Variants in PTPN6 observed in about 807,000 individuals in gnomAD.
PTPN6 encodes the protein protein tyrosine phosphatase non-receptor type 6, also known as tyrosine-protein phosphatase non-receptor type 6.
Under a neutral mutation model 81.5 loss-of-function variants are expected in PTPN6, and 18 were observed. The observed-to-expected ratio is 0.22, with a 90% CI of 0.15 to 0.33. The LOEUF (loss-of-function observed/expected upper bound fraction) is 0.33, where lower values mean the gene tolerates loss of function less well. Ranked by LOEUF, PTPN6 falls within the 10% of genes least tolerant of loss-of-function variation. The pLI is 1.00. For missense variants in PTPN6, 500 were observed against 794.2 expected (o/e 0.63, Z 4.45); for synonymous variants, 301 against 310.9 (o/e 0.97, Z 0.33).
chr12:6,956,533 A>G lies in PTPN6; in HGVS notation c.1039A>G (p.Ile347Val). ...QMAWQENSRV[I>V]VMTTREVEKG... ...GGCGTGGCAGGAGAACAGCCGTGTC[A>G]TCGTCATGACCACCCGAGAGGTGGA... The change falls in exon 9 of 16, where the codon ATC becomes GTC. Residue 347 changes from isoleucine (I) to valine (V), a missense_variant. By Grantham distance (29) the Ile-to-Val change is conservative. This residue lies in a region of PTPN6 where 226 missense variants were observed against 364.4 expected (regional missense o/e 0.62). Coordinates refer to ENST00000318974, the MANE Select transcript of PTPN6 (RefSeq NM_002831.6). The surrounding 1 kb of genome is among the most constrained non-coding windows in gnomAD (Gnocchi z 4.1). 6.2e-7 allele frequency: 1 copy of G among 1,613,938 alleles called. No homozygotes were observed. The highest frequency in any genetic ancestry group is 1.1e-5 in the South Asian group (1 of 91,078).
chr12:6,946,607 G>A (rs1945821239), upstream of PTPN6: 4 of 799,510 alleles, frequency 5.0e-6, no homozygotes, highest in Non-Finnish European at 6.5e-6. Context: ...CGAGGAGGAA[G>A]TGGCTGATTA....
At chr12:6,946,847 CT>C, upstream of PTPN6, 5 of 1,248,238 alleles carry the variant, frequency 4.0e-6, no homozygotes, top group Non-Finnish European at 5.7e-6. Context: ...CGATCTGCCG[CT>C]GCCCTGCGCC....
upstream of PTPN6, among the ~76,000 whole-genome samples, chr12:6,949,577 C>G (rs1664292690): frequency 6.6e-6 from 1 of 152,102 alleles, no homozygotes; most frequent in African/African-American, 2.4e-5. Flanking sequence ...TGAATAACAC[C>G]TACTAAGTAG....
chr12:6,949,834 G>T, upstream of PTPN6, among the ~76,000 whole-genome samples: 1 of 146,788 alleles, frequency 6.8e-6, no homozygotes, highest in African/African-American at 2.5e-5. Context: ...TTTTTTTTGA[G>T]ACGGAGTTTC....
At position 6,954,219 on chromosome 12, in the gene PTPN6, A is replaced by T. The variant is rs1945979428; in HGVS notation, c.327-586A>T. On this transcript the variant is annotated intron_variant, in intron 3 of 15. Coordinates refer to ENST00000318974, the MANE Select transcript of PTPN6 (RefSeq NM_002831.6). This position sits in a 1 kb window ranked among gnomAD's most constrained non-coding sequence, Gnocchi z 5.4. ...GTTGTCTTCCCCGCCTCCCTGGCGGAGCGCACCCCATCCGCCTTCCTTGTG... is the reference window on the plus strand; with the variant it reads ...GTTGTCTTCCCCGCCTCCCTGGCGGTGCGCACCCCATCCGCCTTCCTTGTG... Among the ~76,000 whole-genome samples the T allele has an allele frequency of 6.6e-6, 1 of 152,050 alleles. No individual in the cohort carries two copies. Among genetic ancestry groups the T allele is most frequent in the Admixed American group, 6.6e-5 (1 of 15,262 alleles).
Position 6,955,332 on chromosome 12 carries a change from G to T in PTPN6, c.634-40G>T, listed in dbSNP as rs1054694626. 1.2e-6 allele frequency: 2 copies of T among 1,611,560 alleles called. No homozygotes were observed. Among genetic ancestry groups the T allele is most frequent in the African/African-American group, 2.7e-5 (2 of 74,792 alleles). ...CTGTCCCCCAGATGTGAGCTTCTGG[G>T]ATCTCTGAGTTGCTGACTTCTCGCT... On this transcript the variant is annotated intron_variant, in intron 5 of 15. Transcript: ENST00000318974. The surrounding 1 kb of genome is among the most constrained non-coding windows in gnomAD (Gnocchi z 7.2).
intron 3 of PTPN6, among the ~76,000 whole-genome samples, chr12:6,953,787 G>A (rs1329271069): frequency 6.6e-6 from 1 of 152,090 alleles, no homozygotes; most frequent in Non-Finnish European, 1.5e-5. Flanking sequence ...GTGGGCTGAA[G>A]TAGCCCAGTG....
In PTPN6 at chr12:6,956,037, G is replaced by T; in HGVS notation, c.845-105G>T. 1 of 1,183,794 alleles carries T rather than the reference G, an allele frequency of 8.4e-7. No individual in the cohort carries two copies. The highest frequency in any genetic ancestry group is 1.5e-5 in the African/African-American group (1 of 66,518). The allele number at this position is 1,183,794 out of a possible 1,614,324, so 73.3% of individuals were successfully genotyped here. ...GCCCACAGTCCCCCGCAAGCCTCAT[G>T]GCTTCTGAGACCAGAATGGCCTGTT... On this transcript the variant is annotated intron_variant, in intron 7 of 15. Transcript: ENST00000318974. The surrounding 1 kb of genome is among the most constrained non-coding windows in gnomAD (Gnocchi z 4.1).
upstream of PTPN6, among the ~76,000 whole-genome samples, chr12:6,948,489 AAGAG>A (rs1395103640): frequency 2.0e-5 from 3 of 151,606 alleles, no homozygotes; most frequent in East Asian, 3.9e-4. Context: ...AAGAAAGAAA[AAGAG>A]AAAGAAGGAA....
rs782210736 is a variant in PTPN6, at chr12:6,952,537, C to T, written c.326+360C>T. ...TAGAAAGCTCTTCTTCCTCTGGAATCGAGCCTGCCTTCCTCCGTCTGCCCC... is the reference window on the plus strand; with the variant it reads ...TAGAAAGCTCTTCTTCCTCTGGAATTGAGCCTGCCTTCCTCCGTCTGCCCC... On this transcript the variant is annotated intron_variant, in intron 3 of 15. Transcript: ENST00000318974. This position sits in a 1 kb window ranked among gnomAD's most constrained non-coding sequence, Gnocchi z 8.1. The T allele has an allele frequency of 1.3e-5, 5 of 372,772 alleles. No homozygotes were observed. The highest frequency in any genetic ancestry group is 7.4e-5 in the South Asian group (3 of 40,686). 23.1% of individuals were successfully genotyped at this position (372,772 alleles called of 1,614,324 possible).
Position 6,960,845 on chromosome 12 carries a change from C to T in PTPN6, c.1713C>T (p.Asn571=). Residue 571 remains asparagine (N), a synonymous_variant, in exon 15 of 16, where the codon AAC becomes AAT. Transcript: ENST00000318974. This position sits in a 1 kb window ranked among gnomAD's most constrained non-coding sequence, Gnocchi z 6.1. ...EDVYENLHTK[N]KREEKVKKQR... ...TGTATGAGAACCTGCACACTAAGAA[C>T]AAGAGGGAGGAGAAAGTGAAGAAGC... The T allele has an allele frequency of 1.3e-6, 2 of 1,579,076 alleles. No individual in the cohort carries two copies. The highest frequency in any genetic ancestry group is 1.7e-6 in the Non-Finnish European group (2 of 1,161,836).
chr12:6,949,405 A>G (rs981910030), upstream of PTPN6, among the ~76,000 whole-genome samples: 1 of 152,018 alleles, frequency 6.6e-6, no homozygotes, highest in Admixed American at 6.6e-5. Flanking sequence ...TGCCCATCCC[A>G]TCTGCCCCCG....
At position 6,957,591 on chromosome 12, in the gene PTPN6, G is replaced by A. The variant is rs771890941; in HGVS notation, c.1075-63G>A. 1.9e-6 allele frequency: 3 copies of A among 1,586,496 alleles called. No individual in the cohort carries two copies. Among genetic ancestry groups the A allele is most frequent in the Non-Finnish European group, 1.7e-6 (2 of 1,163,354 alleles). On this transcript the variant is annotated intron_variant, in intron 9 of 15. Transcript: ENST00000318974. The surrounding 1 kb of genome is among the most constrained non-coding windows in gnomAD (Gnocchi z 6.5). ...GCCAGGCACTCAGAACATAGAGCAG[G>A]ACCTGGGATGGGCCACAGTGCCCTG... is the stretch of plus-strand genomic sequence containing the variant.
chr12:6,948,415 A>G (rs1176014405), upstream of PTPN6, among the ~76,000 whole-genome samples: 1 of 146,202 alleles, frequency 6.8e-6, no homozygotes, highest in Non-Finnish European at 1.5e-5. Flanking sequence ...AGCCTGGGTG[A>G]TAAAGCAAGA....
rs782219452 is a variant in PTPN6, at chr12:6,957,629, T to C, written c.1075-25T>C. The C allele has an allele frequency of 4.6e-6, 7 of 1,521,496 alleles. No homozygotes were observed. Among genetic ancestry groups the C allele is most frequent in the Non-Finnish European group, 6.3e-6 (7 of 1,105,660 alleles). The allele number at this position is 1,521,496 out of a possible 1,614,324, so 94.2% of individuals were successfully genotyped here. A position where few individuals can be genotyped will look rare whatever the true frequency, so the allele number is the denominator to read the frequency against. ...CCACAGTGCCCTGCTCTGTGCCTCA[T>C]CCCCACCCGACCCTCCCTTTCCAGA... On this transcript the variant is annotated intron_variant, in intron 9 of 15. Transcript: ENST00000318974. This position sits in a 1 kb window ranked among gnomAD's most constrained non-coding sequence, Gnocchi z 6.5.
intron 11 of PTPN6, 139 bp downstream of exon 11, chr12:6,958,212 C>T: frequency 1.6e-6 from 2 of 1,247,484 alleles, no homozygotes; most frequent in Non-Finnish European, 1.1e-6. Context: ...CCTGGGTCCC[C>T]TCATGGCTCC....
rs377223489 is a variant in PTPN6, at chr12:6,951,602, C to T, written c.9-7C>T. ...CCCCTCCTCACTGCCCTGCCTGGGC[C>T]GCCCAGGTGGTTTCACCGAGACCTC... On this transcript the variant is annotated splice_region_variant and splice_polypyrimidine_tract_variant and intron_variant, in intron 1 of 15. Coordinates refer to ENST00000318974, the MANE Select transcript of PTPN6 (RefSeq NM_002831.6). The surrounding 1 kb of genome is among the most constrained non-coding windows in gnomAD (Gnocchi z 7.2). 3.1e-4 allele frequency: 504 copies of T among 1,613,790 alleles called. No individual in the cohort carries two copies. The African/African-American group carries it at 5.1e-3, about 16-fold the overall frequency.
At position 6,954,221 on chromosome 12, in the gene PTPN6, C is replaced by T. The variant is rs905245565; in HGVS notation, c.327-584C>T. Reference sequence around the variant, plus strand: ...TGTCTTCCCCGCCTCCCTGGCGGAGCGCACCCCATCCGCCTTCCTTGTGAC... The same window carrying T: ...TGTCTTCCCCGCCTCCCTGGCGGAGTGCACCCCATCCGCCTTCCTTGTGAC... On this transcript the variant is annotated intron_variant, in intron 3 of 15. Transcript: ENST00000318974. This position sits in a 1 kb window ranked among gnomAD's most constrained non-coding sequence, Gnocchi z 5.4. 3.3e-5 allele frequency among the ~76,000 whole-genome samples: 5 copies of T among 152,218 alleles called. No individual in the cohort carries two copies. Among genetic ancestry groups the T allele is most frequent in the Admixed American group, 6.5e-5 (1 of 15,280 alleles).
Position 6,952,230 on chromosome 12 carries a change from C to A in PTPN6, c.326+53C>A. The A allele has an allele frequency of 5.0e-6, 8 of 1,601,832 alleles. No individual in the cohort carries two copies. The highest frequency in any genetic ancestry group is 4.3e-6 in the Non-Finnish European group (5 of 1,171,214). ...CAAGCAGGGATGAGCCGGCTCCCAC[C>A]CTGAACAGCCAGGGAGGCAGGGAGA... On this transcript the variant is annotated intron_variant, in intron 3 of 15. Coordinates refer to ENST00000318974, the MANE Select transcript of PTPN6 (RefSeq NM_002831.6). This position sits in a 1 kb window ranked among gnomAD's most constrained non-coding sequence, Gnocchi z 8.1.
Sources: gnomAD v4.1 joint callset for allele counts (sites outside exome capture counted in the v4.1 genomes callset) on GRCh38, gnomAD v4.1.1 for gene constraint, gnomAD v4.1.1 regional missense constraint, Gnocchi (gnomAD v3.1) non-coding constraint, MANE v1.5 for transcripts, NCBI Gene and HGNC (gene_info 2026-07-23, HGNC 2026-07-21) for gene names.